KIRREL3: variants seen among roughly 807,000 people sequenced by gnomAD.
The protein encoded by KIRREL3 is kirre like nephrin family adhesion molecule 3, also known as kin of IRRE-like protein 3.
In KIRREL3, 36 loss-of-function variants were observed where a neutral mutation model predicts 89.7. That is an observed-to-expected ratio of 0.40 (90% CI 0.31 to 0.53). The LOEUF (loss-of-function observed/expected upper bound fraction) is 0.53, where lower values mean the gene tolerates loss of function less well. KIRREL3 is among the 20% of genes least tolerant of loss of function. The pLI, the probability that KIRREL3 is intolerant of heterozygous loss-of-function variation, is 0.49. For synonymous variants in KIRREL3, 445 were observed against 441.4 expected (o/e 1.01, Z -0.10); for missense variants, 864 against 1,056.6 (o/e 0.82, Z 2.53).
In KIRREL3 at chr11:126,508,154, C is replaced by G. The variant is rs995173753; in HGVS notation, c.433+13161G>C. 6.6e-6 allele frequency among the ~76,000 whole-genome samples: 1 copy of G among 152,240 alleles called. No homozygotes were observed. Among genetic ancestry groups the G allele is most frequent in the Non-Finnish European group, 1.5e-5 (1 of 68,048 alleles). On this transcript the variant is annotated intron_variant, in intron 4 of 16. Coordinates refer to ENST00000525144, the MANE Select transcript of KIRREL3 (RefSeq NM_032531.4). This position sits in a 1 kb window ranked among gnomAD's most constrained non-coding sequence, Gnocchi z 4.9. ...TAACATTGTTTCTGACATATTTTCACATGAAAACCTCTTCCTTTATATAAA... is the reference window on the plus strand; with the variant it reads ...TAACATTGTTTCTGACATATTTTCAGATGAAAACCTCTTCCTTTATATAAA...
intron 1 of KIRREL3, among the ~76,000 whole-genome samples, chr11:126,930,820 C>A (rs1000572203): frequency 2.6e-5 from 4 of 152,110 alleles, no homozygotes; most frequent in South Asian, 2.1e-4. Flanking sequence ...GGATTGTGTC[C>A]CTACCCCTGC....
rs1197917611 is a variant in KIRREL3, at chr11:126,608,102, G to C, written c.56-45190C>G. ...TCCTCACCCTTTAGACCACCCCACA[G>C]GTGGGACAGGGTGGGCCCAGGTGGA... On this transcript the variant is annotated intron_variant, in intron 1 of 16. Coordinates refer to ENST00000525144, the MANE Select transcript of KIRREL3 (RefSeq NM_032531.4). The surrounding 1 kb of genome is among the most constrained non-coding windows in gnomAD (Gnocchi z 4.9). Among the ~76,000 whole-genome samples, 3 of 152,192 alleles carry C rather than the reference G, an allele frequency of 2.0e-5. No individual in the cohort carries two copies. The highest frequency in any genetic ancestry group is 7.2e-5 in the African/African-American group (3 of 41,460).
At chr11:126,839,860 CA>C (rs1397784419) in intron 1 of KIRREL3, among the ~76,000 whole-genome samples, 2 of 152,152 alleles carry the variant, frequency 1.3e-5, no homozygotes, top group African/African-American at 4.8e-5. Context: ...TCTAAATAAA[CA>C]AGTGTCTTTT....
Position 126,645,449 on chromosome 11 carries a change from C to G in KIRREL3, c.56-82537G>C, listed in dbSNP as rs1467036276. 6.6e-6 allele frequency among the ~76,000 whole-genome samples: 1 copy of G among 152,120 alleles called. No individual in the cohort carries two copies. Among genetic ancestry groups the G allele is most frequent in the Non-Finnish European group, 1.5e-5 (1 of 68,016 alleles). On this transcript the variant is annotated intron_variant, in intron 1 of 16. Transcript: ENST00000525144. This position sits in a 1 kb window ranked among gnomAD's most constrained non-coding sequence, Gnocchi z 4.9. ...ACCATCTCCGCAGCCTCTCAGGCTA[C>G]AGGGTACCCTGCATTATGCAGACTG...
rs1397806625 is a variant in KIRREL3 at position 126,645,215 on chromosome 11, T to A, written c.56-82303A>T. On this transcript the variant is annotated intron_variant, in intron 1 of 16. Coordinates refer to ENST00000525144, the MANE Select transcript of KIRREL3 (RefSeq NM_032531.4). The surrounding 1 kb of genome is among the most constrained non-coding windows in gnomAD (Gnocchi z 4.9). ...GGATGCAGACTGACATCGTAACAAT[T>A]CAAATGCTAATGAAATATTCTCAAC... Among the ~76,000 whole-genome samples the A allele has an allele frequency of 6.6e-6, 1 of 152,176 alleles. No homozygotes were observed. The highest frequency in any genetic ancestry group is 1.9e-4 in the East Asian group (1 of 5,188).
rs148310599 is a variant in KIRREL3 at position 126,790,185 on chromosome 11, G to A, written c.55+210270C>T. Among the ~76,000 whole-genome samples, 202 of 152,308 alleles carry A rather than the reference G, an allele frequency of 1.3e-3. 2 individuals are homozygous for A. The highest frequency in any genetic ancestry group is 4.5e-3 in the African/African-American group (187 of 41,572). Reference sequence around the variant, plus strand: ...CTACAGATTTGTTCACTTGTTTCTTGTCCTCTTGCCTCTCTTTCCGCAATC... The same window carrying A: ...CTACAGATTTGTTCACTTGTTTCTTATCCTCTTGCCTCTCTTTCCGCAATC... On this transcript the variant is annotated intron_variant, in intron 1 of 16. Coordinates refer to ENST00000525144, the MANE Select transcript of KIRREL3 (RefSeq NM_032531.4).
chr11:126,994,610 A>C lies in KIRREL3; in HGVS notation c.55+5845T>G, dbSNP rs920645419. Among the ~76,000 whole-genome samples, 1 of 152,236 alleles carries C rather than the reference A, an allele frequency of 6.6e-6. No individual in the cohort carries two copies. The highest frequency in any genetic ancestry group is 2.4e-5 in the African/African-American group (1 of 41,468). On this transcript the variant is annotated intron_variant, in intron 1 of 16. Coordinates refer to ENST00000525144, the MANE Select transcript of KIRREL3 (RefSeq NM_032531.4). The surrounding 1 kb of genome is among the most constrained non-coding windows in gnomAD (Gnocchi z 5.2). ...ATATTGACATTTACCAACTTCTAGA[A>C]GTATACAGCCAGAATACTCATTTTT...
intron 16 of KIRREL3, 105 bp downstream of exon 16, chr11:126,425,533 T>A: frequency 4.6e-6 from 5 of 1,078,020 alleles, no homozygotes; most frequent in Non-Finnish European, 4.1e-6. Flanking sequence ...TCTGACCTTT[T>A]CTTCTCTGAC....
rs113084978 is a variant in KIRREL3, at chr11:126,579,851, AT to A, written c.56-16940del. 1.4e-5 allele frequency among the ~76,000 whole-genome samples: 2 copies of A among 146,776 alleles called. No individual in the cohort carries two copies. The highest frequency in any genetic ancestry group is 3.0e-5 in the Non-Finnish European group (2 of 66,704). The stretch of plus-strand genomic sequence containing the variant: ...GGTCCTTAAAAGAGGGAGCCAAGTC[AT>A]TTTTTTTTTTTGAGGCAGAGTCTTG... On this transcript the variant is annotated intron_variant, in intron 1 of 16. Coordinates refer to ENST00000525144, the MANE Select transcript of KIRREL3 (RefSeq NM_032531.4). The surrounding 1 kb of genome is among the most constrained non-coding windows in gnomAD (Gnocchi z 5.3).
Position 126,780,379 on chromosome 11 carries a change from C to T in KIRREL3, c.56-217467G>A, listed in dbSNP as rs998629897. Among the ~76,000 whole-genome samples, 9 of 152,110 alleles carry T rather than the reference C, an allele frequency of 5.9e-5. No individual in the cohort carries two copies. Among genetic ancestry groups the T allele is most frequent in the African/African-American group, 1.9e-4 (8 of 41,420 alleles). On this transcript the variant is annotated intron_variant, in intron 1 of 16. Transcript: ENST00000525144. The surrounding 1 kb of genome is among the most constrained non-coding windows in gnomAD (Gnocchi z 5.3). The stretch of plus-strand genomic sequence containing the variant: ...TGGCTTTAAATAAAAACCAGCTATT[C>T]GTGGGGAAGCCTGACAGGGTTTCTT...
intron 1 of KIRREL3, among the ~76,000 whole-genome samples, chr11:126,919,212 G>A (rs934871099): frequency 6.6e-6 from 1 of 152,112 alleles, no homozygotes; most frequent in Non-Finnish European, 1.5e-5. Context: ...ATGCTCCCAT[G>A]TTGTGGATGA....
chr11:126,717,537 C>T (rs893468247), intron 1 of KIRREL3, among the ~76,000 whole-genome samples: 2 of 152,272 alleles, frequency 1.3e-5, no homozygotes, highest in South Asian at 2.1e-4. Context: ...GGCAGGTTGG[C>T]GTGGCCAGGC....
rs969843982 is a variant in KIRREL3, at chr11:126,492,549, G to T, written c.434-19083C>A. 2.6e-5 allele frequency among the ~76,000 whole-genome samples: 4 copies of T among 152,188 alleles called. No homozygotes were observed. Among genetic ancestry groups the T allele is most frequent in the Admixed American group, 1.3e-4 (2 of 15,280 alleles). On this transcript the variant is annotated intron_variant, in intron 4 of 16. Transcript: ENST00000525144. This position sits in a 1 kb window ranked among gnomAD's most constrained non-coding sequence, Gnocchi z 4.8. ...AGCATGGGGCTGGAGTGGGAAGGAG[G>T]AGGAGGAGGGATGAGGCTGCCAATT...
chr11:126,679,076 A>G (rs1946335412), intron 1 of KIRREL3, among the ~76,000 whole-genome samples: 1 of 152,214 alleles, frequency 6.6e-6, no homozygotes, highest in Non-Finnish European at 1.5e-5. Context: ...GGCAAGTCAC[A>G]TTATGAGAAC....
At chr11:126,884,483 C>T (rs540778445) in intron 1 of KIRREL3, among the ~76,000 whole-genome samples, 10 of 152,312 alleles carry the variant, frequency 6.6e-5, no homozygotes, top group South Asian at 6.2e-4. Context: ...ATCTACAAAG[C>T]GTGACCGCCA....
intron 1 of KIRREL3, among the ~76,000 whole-genome samples, chr11:126,848,688 C>A (rs757983686): frequency 1.4e-4 from 22 of 152,142 alleles, no homozygotes; most frequent in Non-Finnish European, 2.9e-5. Context: ...TGCTGTTGGA[C>A]TCTCTGTGTA....
At chr11:126,916,041 A>T (rs1032333346) in intron 1 of KIRREL3, among the ~76,000 whole-genome samples, 1 of 152,236 alleles carries the variant, frequency 6.6e-6, no homozygotes, top group Admixed American at 6.5e-5. Flanking sequence ...AGGAGTGAAT[A>T]AAATTCTAAT....
intron 1 of KIRREL3, among the ~76,000 whole-genome samples, chr11:126,718,719 G>C (rs1216693075): frequency 6.6e-6 from 1 of 152,142 alleles, no homozygotes; most frequent in East Asian, 1.9e-4. Context: ...ATTTAAGATG[G>C]GGAACCTAAG....
rs1162227256 is a variant in KIRREL3, at chr11:126,908,581, C to G, written c.55+91874G>C. Reference sequence around the variant, plus strand: ...GCATAGGGTAAACGTTCTAGAAACACTGGCTATTACTATTGGTATTATCAA... The same window carrying G: ...GCATAGGGTAAACGTTCTAGAAACAGTGGCTATTACTATTGGTATTATCAA... On this transcript the variant is annotated intron_variant, in intron 1 of 16. Transcript: ENST00000525144. The surrounding 1 kb of genome is among the most constrained non-coding windows in gnomAD (Gnocchi z 4.2). Among the ~76,000 whole-genome samples, 1 of 152,214 alleles carries G rather than the reference C, an allele frequency of 6.6e-6. No individual in the cohort carries two copies. The highest frequency in any genetic ancestry group is 2.4e-5 in the African/African-American group (1 of 41,444).
Sources: allele counts gnomAD v4.1 joint callset (sites outside exome capture counted in the v4.1 genomes callset), GRCh38; gene constraint gnomAD v4.1.1; non-coding constraint Gnocchi (gnomAD v3.1); transcripts MANE v1.5; gene names NCBI Gene and HGNC (gene_info 2026-07-23, HGNC 2026-07-21).